Variants in FAM118B observed in about 807,000 individuals in gnomAD.
FAM118B encodes protein FAM118B.
FAM118B carries 24 observed loss-of-function variants against 38.5 expected under a neutral mutation model. That is an observed-to-expected ratio of 0.62 (90% CI 0.45 to 0.88). The LOEUF (loss-of-function observed/expected upper bound fraction) is 0.88, where lower values mean the gene tolerates loss of function less well. FAM118B is among the 40% of genes least tolerant of loss of function. The probability of loss-of-function intolerance (pLI) is 0.00; values close to 1 mark genes in which losing one functional copy is unlikely to be tolerated. For missense variants in FAM118B, 334 were observed against 420.0 expected (o/e 0.80, Z 1.79); for synonymous variants, 138 against 156.3 (o/e 0.88, Z 0.87).
Position 126,250,109 on chromosome 11 carries a change from T to G in FAM118B, c.340-397T>G, listed in dbSNP as rs554863233. On this transcript the variant is annotated intron_variant, in intron 4 of 8. Coordinates refer to ENST00000533050, the MANE Select transcript of FAM118B (RefSeq NM_024556.4). The surrounding 1 kb of genome is among the most constrained non-coding windows in gnomAD (Gnocchi z 5.1). The stretch of plus-strand genomic sequence containing the variant: ...TCCCCGGGATTTTTTTTTTTTTTTT[T>G]GAGATGGAGTCTCGCTCCGTCGCCC... 6.1e-4 allele frequency among the ~76,000 whole-genome samples: 80 copies of G among 130,770 alleles called. No homozygotes were observed. The highest frequency in any genetic ancestry group is 1.9e-3 in the African/African-American group (72 of 37,098). The allele number at this position is 130,770 out of a possible 152,430, so 85.8% of individuals were successfully genotyped here.
At chr11:126,212,391 T>C (rs1949894840) in intron 1 of FAM118B, among the ~76,000 whole-genome samples, 1 of 152,224 alleles carries the variant, frequency 6.6e-6, no homozygotes, top group African/African-American at 2.4e-5. Flanking sequence ...TCACTTTTCC[T>C]GTTTCCTTTA....
intron 1 of FAM118B, chr11:126,214,501 T>TG (rs1257144230): frequency 1.1e-5 from 1 of 89,892 alleles, no homozygotes; most frequent in African/African-American, 4.2e-5. Context: ...TTTTTTTTTT[T>TG]TGTTTTTTTT....
At position 126,256,976 on chromosome 11, in the gene FAM118B, A is replaced by C. The variant is rs1446086932; in HGVS notation, c.982+124A>C. 2.1e-6 allele frequency: 2 copies of C among 971,606 alleles called. No individual in the cohort carries two copies. The highest frequency in any genetic ancestry group is 3.1e-6 in the Non-Finnish European group (2 of 651,470). 60.2% of individuals were successfully genotyped at this position (971,606 alleles called of 1,614,324 possible). A position where few individuals can be genotyped will look rare whatever the true frequency, so the allele number is the denominator to read the frequency against. On this transcript the variant is annotated intron_variant, in intron 7 of 8. Coordinates refer to ENST00000533050, the MANE Select transcript of FAM118B (RefSeq NM_024556.4). This position sits in a 1 kb window ranked among gnomAD's most constrained non-coding sequence, Gnocchi z 6.6. ...GAATGTAATGACTGACCAAATTGTA[A>C]AGGAGGCCACAGTCTTCAGGTTAGA... is the stretch of plus-strand genomic sequence containing the variant.
intron 3 of FAM118B, among the ~76,000 whole-genome samples, chr11:126,239,567 A>C (rs1411287601): frequency 1.3e-5 from 2 of 152,072 alleles, no homozygotes; most frequent in Non-Finnish European, 2.9e-5. Flanking sequence ...CAGGGACTCC[A>C]TTTTGTTCAT....
At chr11:126,224,621 G>T (rs1287157105) in intron 1 of FAM118B, among the ~76,000 whole-genome samples, 1 of 152,036 alleles carries the variant, frequency 6.6e-6, no homozygotes, top group Non-Finnish European at 1.5e-5. Flanking sequence ...GGGTAGAGTA[G>T]CATCATTGAG....
chr11:126,230,534 A>G (rs1302976583), intron 2 of FAM118B, among the ~76,000 whole-genome samples: 1 of 152,206 alleles, frequency 6.6e-6, no homozygotes, highest in Non-Finnish European at 1.5e-5. Context: ...GGGTGGAGGA[A>G]GCTTGCTGAT....
chr11:126,260,255 TCTC>T (rs1251666567), intron 7 of FAM118B: 1 of 151,842 alleles, frequency 6.6e-6, no homozygotes, highest in Non-Finnish European at 1.5e-5. Context: ...CTGTTCTCAG[TCTC>T]CTAAGTGCAA....
chr11:126,261,588 A>G, intron 8 of FAM118B, 104 bp downstream of exon 8: 2 of 858,352 alleles, frequency 2.3e-6, no homozygotes, highest in Non-Finnish European at 3.7e-6. Flanking sequence ...CACATTGCCA[A>G]ATTTTAAAAA....
intron 3 of FAM118B, among the ~76,000 whole-genome samples, chr11:126,239,871 T>C (rs1471027419): frequency 2.0e-5 from 3 of 152,078 alleles, no homozygotes; most frequent in Non-Finnish European, 4.4e-5. Context: ...GGGAAAGCAG[T>C]TTTAGAGGCT....
At chr11:126,224,387 T>C (rs1469830216) in intron 1 of FAM118B, among the ~76,000 whole-genome samples, 1 of 148,778 alleles carries the variant, frequency 6.7e-6, no homozygotes, top group East Asian at 2.0e-4. Flanking sequence ...GATGGGAAGA[T>C]TGCTTGAGCC....
rs749801351 is a variant in FAM118B at position 126,240,808 on chromosome 11, T to C, written c.103T>C (p.Leu35=). Residue 35 remains leucine, a synonymous_variant, in exon 4 of 9, where the codon TTA becomes CTA. Transcript: ENST00000533050. ...TKKPRKLLPS[L]KTKKPRELVL... ...CTTTTATAGGAAGCTGCTTCCAAGCTTAAAAACTAAGAAGCCTCGAGAACT... is the reference window on the plus strand; with the variant it reads ...CTTTTATAGGAAGCTGCTTCCAAGCCTAAAAACTAAGAAGCCTCGAGAACT... The C allele has an allele frequency of 6.2e-7, 1 of 1,605,752 alleles. No individual in the cohort carries two copies.
chr11:126,237,694 A>G (rs1196655325), intron 3 of FAM118B, among the ~76,000 whole-genome samples: 1 of 145,600 alleles, frequency 6.9e-6, no homozygotes, highest in Non-Finnish European at 1.5e-5. Context: ...AAAAAAAAAA[A>G]AAAAAAAAAA....
rs1261510235 is a variant in FAM118B at position 126,254,424 on chromosome 11, T to C, written c.687T>C (p.Thr229=). The C allele has an allele frequency of 6.2e-7, 1 of 1,614,072 alleles. No homozygotes were observed. The highest frequency in any genetic ancestry group is 8.5e-7 in the Non-Finnish European group (1 of 1,180,018). The part of the protein sequence containing the change: ...PAGYQNVLRN[T]EVMREIQKLY... ...GATATCAGAACGTGCTCAGGAACAC[T>C]GAAGTCATGGTGAGTGGGGCTGATC... The change falls in exon 6 of 9, where the codon ACT becomes ACC. Residue 229 remains threonine, a synonymous_variant. Transcript: ENST00000533050.
At chr11:126,235,432 T>G (rs184036769) in intron 3 of FAM118B, among the ~76,000 whole-genome samples, 1 of 152,340 alleles carries the variant, frequency 6.6e-6, no homozygotes, top group East Asian at 1.9e-4. Flanking sequence ...ATATAAGGAC[T>G]GCTTTGCTCT....
intron 3 of FAM118B, among the ~76,000 whole-genome samples, chr11:126,237,232 T>TTTTTG (rs1316971269): frequency 3.4e-5 from 4 of 117,118 alleles, no homozygotes; most frequent in Non-Finnish European, 5.3e-5. Flanking sequence ...TTTTTTTTTT[T>TTTTTG]TTTTTTGAGA....
chr11:126,262,013 C>T, intron 8 of FAM118B, 107 bp from the exon 9 acceptor site: 2 of 997,668 alleles, frequency 2.0e-6, no homozygotes, highest in Non-Finnish European at 3.0e-6. Flanking sequence ...CTAGAATCTC[C>T]TGTCTTGCCT....
chr11:126,243,767 G>A (rs1950386614), intron 4 of FAM118B, among the ~76,000 whole-genome samples: 1 of 151,986 alleles, frequency 6.6e-6, no homozygotes, highest in Non-Finnish European at 1.5e-5. Context: ...AGCTGGGCAT[G>A]GTAGTGCATG....
chr11:126,260,798 TTAC>T (rs1319149928), intron 7 of FAM118B: 1 of 152,284 alleles, frequency 6.6e-6, no homozygotes, highest in Non-Finnish European at 1.5e-5. Context: ...GTTCAGCTTT[TTAC>T]TTTTTCTGAA....
chr11:126,247,164 C>T (rs183349483), intron 4 of FAM118B, among the ~76,000 whole-genome samples: 24 of 152,162 alleles, frequency 1.6e-4, no homozygotes, highest in Admixed American at 3.3e-4. Flanking sequence ...TGGTGGTGTG[C>T]GCCTGTAGTC....
Sources: gnomAD v4.1 joint callset for allele counts (sites outside exome capture counted in the v4.1 genomes callset) on GRCh38, gnomAD v4.1.1 for gene constraint, Gnocchi (gnomAD v3.1) non-coding constraint, MANE v1.5 for transcripts, NCBI Gene and HGNC (gene_info 2026-07-23, HGNC 2026-07-21) for gene names.